The following ADGRE2 variants were observed in gnomAD, a reference collection of about 807,000 sequenced individuals.
The protein encoded by ADGRE2 is adhesion G protein-coupled receptor E2, also known as CD97 antigen.
In ADGRE2, 83 loss-of-function variants were observed where a neutral mutation model predicts 100.8. That is an observed-to-expected ratio of 0.82 (90% CI 0.69 to 0.99). ADGRE2 has a LOEUF of 0.99. Ranked by LOEUF, ADGRE2 falls within the 50% of genes least tolerant of loss-of-function variation. ADGRE2 has a pLI of 0.00. For missense variants in ADGRE2, 814 were observed against 1,035.7 expected, an observed-to-expected ratio of 0.79 and a Z score of 2.94; for synonymous variants, 355 against 413.0, an observed-to-expected ratio of 0.86 and a Z score of 1.70.
intron 4 of ADGRE2, among the ~76,000 whole-genome samples, chr19:14,772,749 C>T (rs1004300264): frequency 3.3e-5 from 5 of 149,548 alleles, no homozygotes; most frequent in Non-Finnish European, 5.9e-5. Flanking sequence ...GGACAGGAAG[C>T]GCCATATCCC....
chr19:14,778,138 A>T (rs1468151692), intron 1 of ADGRE2, 119 bp downstream of exon 1: 1 of 152,192 alleles, frequency 6.6e-6, no homozygotes, highest in Non-Finnish European at 1.5e-5. Context: ...CTATTTCTCC[A>T]CACCTGTGAT....
chr19:14,731,738 T>A (rs2042673362), downstream of ADGRE2: 1 of 152,402 alleles, frequency 6.6e-6, no homozygotes, highest in African/African-American at 2.4e-5. Context: ...TAACTCTTGT[T>A]TATCTTTGGG....
intron 5 of ADGRE2, among the ~76,000 whole-genome samples, chr19:14,767,766 A>G (rs914778075): frequency 3.3e-5 from 5 of 152,214 alleles, no homozygotes; most frequent in African/African-American, 1.2e-4. Context: ...TTGCCCAGGT[A>G]GGACCTGTCT....
intron 15 of ADGRE2, among the ~76,000 whole-genome samples, chr19:14,751,872 T>TATATAC (rs2043296515): frequency 6.7e-6 from 1 of 150,136 alleles, no homozygotes. Flanking sequence ...CCTATATATA[T>TATATAC]ATACGTGTAT....
chr19:14,751,503 C>T lies in ADGRE2; in HGVS notation c.1957G>A (p.Gly653Arg), dbSNP rs370157037. Residue 653 changes from glycine (G) to arginine (R), a missense_variant, in exon 16 of 21, where the codon GGA (glycine) becomes AGA (arginine). This residue lies in a region of ADGRE2 where 569 missense variants were observed against 692.7 expected (regional missense o/e 0.82). Coordinates refer to ENST00000315576, the MANE Select transcript of ADGRE2 (RefSeq NM_013447.4). ...ATGGCCACTGTCACAGCTGGGACTC[C>T]GTAGCCCACAGGGAACATGAGCTTC... ...MKKLMFPVGY[G>R]VPAVTVAISA... The T allele has an allele frequency of 1.1e-5, 18 of 1,613,928 alleles. No individual in the cohort carries two copies. The highest frequency in any genetic ancestry group is 3.3e-4 in the Middle Eastern group (2 of 6,084).
chr19:14,748,365 A>G (rs545452584), intron 16 of ADGRE2, among the ~76,000 whole-genome samples: 22 of 152,138 alleles, frequency 1.4e-4, no homozygotes, highest in African/African-American at 5.1e-4. Flanking sequence ...CTGAAGTGCA[A>G]TGGAGCCATC....
At chr19:14,775,050 T>C (rs1292993767) in intron 2 of ADGRE2, among the ~76,000 whole-genome samples, 1 of 151,824 alleles carries the variant, frequency 6.6e-6, no homozygotes, top group Non-Finnish European at 1.5e-5. Context: ...TTGCCCAGGC[T>C]GGAATGCAGT....
chr19:14,764,236 ATTT>A (rs61472082), intron 11 of ADGRE2, among the ~76,000 whole-genome samples, 194 bp downstream of exon 11: 127,169 of 151,166 alleles, frequency 0.84, 53,587 homozygotes, highest in African/African-American at 0.9. Context: ...AATTTAAAAG[ATTT>A]TTTTTTTTTT....
Position 14,751,419 on chromosome 19 carries a change from T to G in ADGRE2, c.2024+17A>C. ...GTTATGCCGGAGAAGATAAGGATTG[T>G]GAGAATTTGCACTAACCGGGAAGGT... is the stretch of plus-strand genomic sequence containing the variant. On this transcript the variant is annotated intron_variant, in intron 16 of 20. Coordinates refer to ENST00000315576, the MANE Select transcript of ADGRE2 (RefSeq NM_013447.4). The G allele has an allele frequency of 8.0e-5, 126 of 1,580,450 alleles. No homozygotes were observed. Among genetic ancestry groups the G allele is most frequent in the Non-Finnish European group, 9.9e-5 (114 of 1,149,394 alleles).
downstream of ADGRE2, chr19:14,731,363 T>TA: frequency 1.6e-6 from 1 of 630,908 alleles, no homozygotes; most frequent in Admixed American, 2.9e-5. Context: ...CCGGGCTCCT[T>TA]AACTTCCGGC....
At chr19:14,724,295 C>G in the ADGRE2 span, among the ~76,000 whole-genome samples, 4 of 152,174 alleles carry the variant, frequency 2.6e-5, no homozygotes, top group African/African-American at 9.7e-5. Context: ...TGCCTTCAAA[C>G]CTAGCACAGT....
rs1186685753 is a variant in ADGRE2 at position 14,763,618 on chromosome 19, T to C, written c.1084+815A>G. 2.9e-5 allele frequency among the ~76,000 whole-genome samples: 4 copies of C among 136,450 alleles called. No individual in the cohort carries two copies. The East Asian group carries it at 9.0e-4, about 31-fold the overall frequency. 89.5% of individuals were successfully genotyped at this position (136,450 alleles called of 152,430 possible). A position where few individuals can be genotyped will look rare whatever the true frequency, so the allele number is the denominator to read the frequency against. ...TCCTCTACTCCTCTCCTCCTCCTCC[T>C]GTGCTCCTCCTCCTCTCCTCCTCTC... On this transcript the variant is annotated intron_variant, in intron 11 of 20. Transcript: ENST00000315576.
Position 14,765,738 on chromosome 19 carries a change from C to A in ADGRE2, c.701G>T (p.Gly234Val). The A allele has an allele frequency of 1.9e-6, 3 of 1,613,330 alleles. No individual in the cohort carries two copies. The highest frequency in any genetic ancestry group is 2.5e-6 in the Non-Finnish European group (3 of 1,179,290). The change falls in exon 8 of 21, where the codon GGT becomes GTT. Residue 234 changes from glycine to valine, a missense_variant. Transcript: ENST00000315576. ...TGGGCGGCAGCGGCAGCTGTATGAA[C>A]CCACGGTGTTGAAGCAGACGGTGGA... Reference protein sequence around the residue: ...DSSTVCFNTVGSYSCRCRPGW... With the variant: ...DSSTVCFNTVVSYSCRCRPGW...
downstream of ADGRE2, among the ~76,000 whole-genome samples, chr19:14,728,176 G>A (rs2042645720): frequency 6.6e-6 from 1 of 152,210 alleles, no homozygotes; most frequent in South Asian, 2.1e-4. Context: ...TTGTGCCACT[G>A]CACTCCAGCC....
rs1459103499 is a variant in ADGRE2, at chr19:14,732,986, T to G, written c.*3250A>C. On this transcript the variant is annotated 3_prime_UTR_variant, in exon 21 of 21. Coordinates refer to ENST00000315576, the MANE Select transcript of ADGRE2 (RefSeq NM_013447.4). Reference sequence around the variant, plus strand: ...GCTCTAGGTAGACTCTATGGGGATATGGGCTCTACACTCATAGGGACCCAC... The same window carrying G: ...GCTCTAGGTAGACTCTATGGGGATAGGGGCTCTACACTCATAGGGACCCAC... The G allele has an allele frequency of 6.6e-6, 1 of 152,140 alleles. No homozygotes were observed. The highest frequency in any genetic ancestry group is 1.5e-5 in the Non-Finnish European group (1 of 68,020). The allele number at this position is 152,140 out of a possible 1,614,324, so 9.4% of individuals were successfully genotyped here. A position where few individuals can be genotyped will look rare whatever the true frequency, so the allele number is the denominator to read the frequency against.
chr19:14,773,854 T>C, intron 4 of ADGRE2, 84 bp downstream of exon 4: 4 of 1,278,140 alleles, frequency 3.1e-6, no homozygotes, highest in Non-Finnish European at 4.6e-6. Context: ...CTGTGGCCCC[T>C]CACAACAACC....
Position 14,756,221 on chromosome 19 carries a change from C to T in ADGRE2, c.1192+17G>A, listed in dbSNP as rs2043496905. ...ACCATGAAGCTTCACTGACCACCTC[C>T]CCATCTCAGCCATTACCTGGGTCAC... On this transcript the variant is annotated intron_variant, in intron 12 of 20. Coordinates refer to ENST00000315576, the MANE Select transcript of ADGRE2 (RefSeq NM_013447.4). The T allele has an allele frequency of 1.3e-6, 2 of 1,557,446 alleles. No homozygotes were observed. The highest frequency in any genetic ancestry group is 1.7e-5 in the Admixed American group (1 of 59,918).
At chr19:14,740,577 C>T (rs1256105261) in intron 20 of ADGRE2, among the ~76,000 whole-genome samples, 1 of 143,022 alleles carries the variant, frequency 7.0e-6, no homozygotes, top group Non-Finnish European at 1.5e-5. Context: ...GCTGAGATAG[C>T]ACCATTGTAC....
intron 16 of ADGRE2, among the ~76,000 whole-genome samples, chr19:14,750,461 C>A (rs1051610251): frequency 6.6e-6 from 1 of 152,028 alleles, no homozygotes; most frequent in Non-Finnish European, 1.5e-5. Context: ...TAACATCATA[C>A]ATTAATGAGG....
Sources: allele counts gnomAD v4.1 joint callset (sites outside exome capture counted in the v4.1 genomes callset), GRCh38; gene constraint gnomAD v4.1.1; regional missense constraint gnomAD v4.1.1; transcripts MANE v1.5; gene names NCBI Gene and HGNC (gene_info 2026-07-23, HGNC 2026-07-21).